ANKRD55: variants seen among roughly 807,000 people sequenced by gnomAD.
ANKRD55 encodes ankyrin repeat domain 55.
ANKRD55 carries 41 observed loss-of-function variants against 60.6 expected under a neutral mutation model. That is an observed-to-expected ratio of 0.68 (90% CI 0.53 to 0.88). ANKRD55 has a LOEUF of 0.88. ANKRD55 is among the 40% of genes least tolerant of loss of function. The probability of loss-of-function intolerance (pLI) is 0.00; values close to 1 mark genes in which losing one functional copy is unlikely to be tolerated. For synonymous variants in ANKRD55, 264 were observed against 290.3 expected, an observed-to-expected ratio of 0.91 and a Z score of 0.92; for missense variants, 732 against 767.6, an observed-to-expected ratio of 0.95 and a Z score of 0.55.
intron 2 of ANKRD55, among the ~76,000 whole-genome samples, chr5:56,199,407 C>A (rs994347919): frequency 1.3e-5 from 2 of 152,104 alleles, no homozygotes; most frequent in Non-Finnish European, 2.9e-5. Context: ...TGGAATCTAA[C>A]AATTATTTAA....
At chr5:56,132,118 T>G (rs113387345) in intron 7 of ANKRD55, among the ~76,000 whole-genome samples, 42 of 152,032 alleles carry the variant, frequency 2.8e-4, no homozygotes, top group African/African-American at 9.9e-4. Flanking sequence ...ATCATTTAGT[T>G]ATTATAAAGT....
At chr5:56,105,481 G>C (rs1756431661) in intron 10 of ANKRD55, among the ~76,000 whole-genome samples, 2 of 152,206 alleles carry the variant, frequency 1.3e-5, no homozygotes, top group Non-Finnish European at 2.9e-5. Flanking sequence ...TGAGTTTTGA[G>C]CTGGTTCTTA....
At chr5:56,211,990 C>A (rs951751520) in intron 2 of ANKRD55, among the ~76,000 whole-genome samples, 2 of 151,046 alleles carry the variant, frequency 1.3e-5, no homozygotes, top group Non-Finnish European at 2.9e-5. Context: ...CATATTGAAG[C>A]ACAGAAAAAA....
intron 2 of ANKRD55, among the ~76,000 whole-genome samples, chr5:56,196,242 GT>G (rs1759225278): frequency 6.6e-6 from 1 of 152,136 alleles, no homozygotes; most frequent in Admixed American, 6.5e-5. Context: ...TAAATGTAAG[GT>G]TCTTAGAACA....
chr5:56,173,566 C>T (rs1250573180), intron 4 of ANKRD55, among the ~76,000 whole-genome samples: 1 of 113,982 alleles, frequency 8.8e-6, no homozygotes, highest in African/African-American at 3.9e-5. Context: ...CTCTCTCTCT[C>T]TCTCTCTCTC....
chr5:56,135,216 T>TTCCTTCCC (rs1757527881), intron 7 of ANKRD55, among the ~76,000 whole-genome samples: 1 of 15,056 alleles, frequency 6.6e-5, no homozygotes, highest in South Asian at 2.0e-3. Flanking sequence ...ACAACTTTCC[T>TTCCTTCCC]TCCTTCCTTC....
intron 2 of ANKRD55, among the ~76,000 whole-genome samples, chr5:56,195,829 T>C (rs1315760480): frequency 1.3e-5 from 2 of 152,212 alleles, no homozygotes; most frequent in East Asian, 3.8e-4. Flanking sequence ...TTCATTTCAT[T>C]GGCTAACCAT....
chr5:56,194,469 T>G (rs1759185458), intron 2 of ANKRD55, among the ~76,000 whole-genome samples: 1 of 152,198 alleles, frequency 6.6e-6, no homozygotes. Flanking sequence ...TTTGCTGTGA[T>G]TATTTATAAT....
At chr5:56,126,477 AC>A (rs1360356509) in intron 8 of ANKRD55, among the ~76,000 whole-genome samples, 1 of 152,140 alleles carries the variant, frequency 6.6e-6, no homozygotes, top group African/African-American at 2.4e-5. Flanking sequence ...AACAACAACA[AC>A]CTGATACAGT....
At chr5:56,135,967 C>T (rs1379290270) in intron 7 of ANKRD55, among the ~76,000 whole-genome samples, 1 of 151,944 alleles carries the variant, frequency 6.6e-6, no homozygotes, top group East Asian at 1.9e-4. Context: ...TTAGCACCCC[C>T]CAAAATTAAA....
chr5:56,107,261 G>C (rs920955857), intron 10 of ANKRD55, among the ~76,000 whole-genome samples: 1 of 152,008 alleles, frequency 6.6e-6, no homozygotes. Flanking sequence ...TGACTCAGTT[G>C]CCTAGAATGG....
At chr5:56,106,756 A>G (rs1756492354) in intron 10 of ANKRD55, among the ~76,000 whole-genome samples, 1 of 152,168 alleles carries the variant, frequency 6.6e-6, no homozygotes, top group East Asian at 1.9e-4. Context: ...CTATAATGCC[A>G]GCATTTTGGG....
chr5:56,122,921 ATG>A (rs1342561212), intron 8 of ANKRD55, among the ~76,000 whole-genome samples: 1 of 151,446 alleles, frequency 6.6e-6, no homozygotes, highest in African/African-American at 2.4e-5. Flanking sequence ...ATGTACCACT[ATG>A]TCCGGCTAAT....
chr5:56,179,009 C>G (rs1172435530), intron 3 of ANKRD55, among the ~76,000 whole-genome samples: 1 of 152,026 alleles, frequency 6.6e-6, no homozygotes, highest in Non-Finnish European at 1.5e-5. Context: ...ATCATAGGTG[C>G]TTATACCTTA....
At chr5:56,203,883 T>C (rs1273600824) in intron 2 of ANKRD55, among the ~76,000 whole-genome samples, 3 of 152,134 alleles carry the variant, frequency 2.0e-5, no homozygotes, top group Non-Finnish European at 2.9e-5. Flanking sequence ...ATGGTATTTC[T>C]AGTTCTAGAT....
At chr5:56,159,681 A>C (rs1758277539) in intron 6 of ANKRD55, 152 bp downstream of exon 6, 3 of 735,402 alleles carry the variant, frequency 4.1e-6, no homozygotes, top group Non-Finnish European at 7.1e-6. Flanking sequence ...GAGGATTAAT[A>C]GTGAAAACAG....
intron 2 of ANKRD55, among the ~76,000 whole-genome samples, chr5:56,205,897 G>C (rs1759493437): frequency 6.6e-6 from 1 of 151,928 alleles, no homozygotes; most frequent in South Asian, 2.1e-4. Flanking sequence ...TCTGTCAGCT[G>C]GTCTCCCAGG....
At chr5:56,166,096 T>TTCTTTC (rs1375870881) in intron 5 of ANKRD55, among the ~76,000 whole-genome samples, 1 of 24,846 alleles carries the variant, frequency 4.0e-5, no homozygotes, top group Non-Finnish European at 1.1e-4. Flanking sequence ...TTTTCTTTCT[T>TTCTTTC]TCTTTCTTTC....
chr5:56,173,122 A>C (rs1758645842), intron 4 of ANKRD55, among the ~76,000 whole-genome samples: 1 of 152,140 alleles, frequency 6.6e-6, no homozygotes, highest in African/African-American at 2.4e-5. Context: ...CTTCTAATAA[A>C]ACCTACAACT....
Sources: allele counts gnomAD v4.1 joint callset (sites outside exome capture counted in the v4.1 genomes callset), GRCh38; gene constraint gnomAD v4.1.1; transcripts MANE v1.5; gene names NCBI Gene and HGNC (gene_info 2026-07-23, HGNC 2026-07-21).